The following MBD5 variants were observed in gnomAD, a reference collection of about 807,000 sequenced individuals.
MBD5 encodes the protein methyl-CpG binding domain protein 5.
Under a neutral mutation model 117.3 loss-of-function variants are expected in MBD5, and 13 were observed. That is an observed-to-expected ratio of 0.11 (90% CI 0.07 to 0.18). MBD5 has a LOEUF of 0.18. Ranked by LOEUF, MBD5 falls within the 10% of genes least tolerant of loss-of-function variation. The pLI, the probability that MBD5 is intolerant of heterozygous loss-of-function variation, is 1.00. For synonymous variants in MBD5, 727 were observed against 766.4 expected (o/e 0.95, Z 0.85); for missense variants, 1,879 against 2,093.8 (o/e 0.90, Z 2.00).
At chr2:148,130,288 A>T (rs1336066971) in intron 1 of MBD5, among the ~76,000 whole-genome samples, 4 of 152,160 alleles carry the variant, frequency 2.6e-5, no homozygotes, top group Non-Finnish European at 5.9e-5. Flanking sequence ...AGCAGATTAG[A>T]ACTACTGTAC....
At position 148,061,287 on chromosome 2, in the gene MBD5, C is replaced by T. The variant is rs556421946; in HGVS notation, c.-925+39603C>T. The stretch of plus-strand genomic sequence containing the variant: ...TGGTAATAGCATTCAAATGATCAGT[C>T]GCTCAGTGGCCATTTCTTTTTTTCT... On this transcript the variant is annotated intron_variant, in intron 1 of 13. Transcript: ENST00000642680. 2.4e-4 allele frequency among the ~76,000 whole-genome samples: 37 copies of T among 152,030 alleles called. No homozygotes were observed. The South Asian group carries it at 2.7e-3, about 11-fold the overall frequency.
intron 3 of MBD5, among the ~76,000 whole-genome samples, chr2:148,261,256 A>G (rs977450820): frequency 6.6e-6 from 1 of 152,182 alleles, no homozygotes; most frequent in African/African-American, 2.4e-5. Context: ...TTTGAAGTTG[A>G]ACATTGACTT....
chr2:148,152,120 C>T (rs1376831452), intron 1 of MBD5, among the ~76,000 whole-genome samples: 1 of 151,944 alleles, frequency 6.6e-6, no homozygotes, highest in Non-Finnish European at 1.5e-5. Context: ...GAATGCATCC[C>T]AGAGATTCTG....
At chr2:148,060,315 AAAAGG>A (rs1309285163) in intron 1 of MBD5, among the ~76,000 whole-genome samples, 3 of 151,778 alleles carry the variant, frequency 2.0e-5, no homozygotes, top group East Asian at 3.9e-4. Flanking sequence ...GTCTCAAAGA[AAAAGG>A]AAAAGAAAAG....
chr2:148,236,636 A>G (rs988394015), intron 3 of MBD5, among the ~76,000 whole-genome samples: 1 of 152,188 alleles, frequency 6.6e-6, no homozygotes, highest in Non-Finnish European at 1.5e-5. Context: ...TGTTTCATTT[A>G]TAGAGCACAG....
At chr2:148,240,033 T>C (rs1416061187) in intron 3 of MBD5, among the ~76,000 whole-genome samples, 1 of 152,118 alleles carries the variant, frequency 6.6e-6, no homozygotes, top group African/African-American at 2.4e-5. Context: ...CCATCAGTGA[T>C]AGACTGGATT....
chr2:148,219,667 G>T (rs1349609356), intron 2 of MBD5, among the ~76,000 whole-genome samples: 2 of 152,102 alleles, frequency 1.3e-5, no homozygotes, highest in Non-Finnish European at 2.9e-5. Flanking sequence ...TCAGTATTGT[G>T]TAACTGTAAC....
intron 1 of MBD5, among the ~76,000 whole-genome samples, chr2:148,144,327 T>A (rs1376199826): frequency 5.9e-5 from 9 of 152,114 alleles, no homozygotes; most frequent in African/African-American, 7.2e-5. Context: ...GTTTGAGTTC[T>A]TTGTAGATTC....
chr2:148,226,343 A>G (rs1034911938), intron 2 of MBD5, among the ~76,000 whole-genome samples: 4 of 151,854 alleles, frequency 2.6e-5, no homozygotes, highest in African/African-American at 4.8e-5. Flanking sequence ...ATTCCCACCT[A>G]TGAGTGAGAA....
At chr2:148,325,366 G>T (rs1702417181) in intron 3 of MBD5, among the ~76,000 whole-genome samples, 1 of 152,140 alleles carries the variant, frequency 6.6e-6, no homozygotes, top group Non-Finnish European at 1.5e-5. Context: ...AGTTAGGGAG[G>T]ATTCCCTCTT....
intron 6 of MBD5, among the ~76,000 whole-genome samples, chr2:148,462,903 A>G (rs1475668258): frequency 6.6e-6 from 1 of 152,180 alleles, no homozygotes; most frequent in East Asian, 1.9e-4. Context: ...ATCTATATTC[A>G]TATTAAATTT....
At chr2:148,091,265 T>A (rs1695933008) in intron 1 of MBD5, among the ~76,000 whole-genome samples, 1 of 152,032 alleles carries the variant, frequency 6.6e-6, no homozygotes, top group South Asian at 2.1e-4. Flanking sequence ...GCAGTTCCCA[T>A]CAAAATACCA....
chr2:148,247,502 C>A (rs1480748894), intron 3 of MBD5, among the ~76,000 whole-genome samples: 3 of 152,120 alleles, frequency 2.0e-5, no homozygotes, highest in African/African-American at 4.8e-5. Flanking sequence ...TAGCCCAAAG[C>A]CAGTTCAGAT....
At chr2:148,424,177 CAAAAAAAAAAAAAAA>C (rs56740583) in intron 4 of MBD5, among the ~76,000 whole-genome samples, 107 of 53,436 alleles carry the variant, frequency 2.0e-3, no homozygotes, top group East Asian at 4.0e-3. Flanking sequence ...GACTCTGTCT[CAAAAAAAAAAAAAAA>C]AAAAAAAAAA....
At chr2:148,359,742 A>G (rs1174120220) in intron 4 of MBD5, among the ~76,000 whole-genome samples, 2 of 152,134 alleles carry the variant, frequency 1.3e-5, no homozygotes, top group African/African-American at 4.8e-5. Context: ...AGTCATTTAA[A>G]TGTGGTTTTT....
At chr2:148,411,106 C>G (rs1037283231) in intron 4 of MBD5, among the ~76,000 whole-genome samples, 3 of 152,086 alleles carry the variant, frequency 2.0e-5, no homozygotes, top group African/African-American at 7.2e-5. Context: ...TAAAAACATG[C>G]AATATTTGAT....
At chr2:148,330,530 T>G in intron 3 of MBD5, 1 of 152,186 alleles carries the variant, frequency 6.6e-6, no homozygotes, top group East Asian at 1.9e-4. Context: ...AATGTAAGTC[T>G]TCTCATTACA....
intron 4 of MBD5, among the ~76,000 whole-genome samples, chr2:148,366,389 C>T (rs796837651): frequency 3.3e-5 from 5 of 151,956 alleles, no homozygotes; most frequent in South Asian, 2.1e-4. Context: ...GACCAAAAGC[C>T]GGAAGCATTC....
intron 4 of MBD5, among the ~76,000 whole-genome samples, chr2:148,376,784 T>A (rs1172882074): frequency 1.1e-4 from 15 of 138,848 alleles, no homozygotes; most frequent in African/African-American, 4.0e-4. Flanking sequence ...CTATTATAAT[T>A]TATATATATA....
Sources: gnomAD v4.1 joint callset for allele counts (sites outside exome capture counted in the v4.1 genomes callset) on GRCh38, gnomAD v4.1.1 for gene constraint, MANE v1.5 for transcripts, NCBI Gene and HGNC (gene_info 2026-07-23, HGNC 2026-07-21) for gene names.